Variants in KIAA1217 observed in about 807,000 individuals in gnomAD.
The protein encoded by KIAA1217 is sickle tail protein homolog.
KIAA1217 carries 88 observed loss-of-function variants against 163.9 expected under a neutral mutation model. The observed-to-expected ratio is 0.54, with a 90% CI of 0.45 to 0.64. The LOEUF (loss-of-function observed/expected upper bound fraction) is 0.64, where lower values mean the gene tolerates loss of function less well. KIAA1217 is among the 30% of genes least tolerant of loss of function. KIAA1217 has a pLI of 0.00. For missense variants in KIAA1217, 2,372 were observed against 2,475.0 expected (o/e 0.96, Z 0.88); for synonymous variants, 903 against 923.1 (o/e 0.98, Z 0.39).
At chr10:24,280,064 A>G (rs948012851) in intron 2 of KIAA1217, among the ~76,000 whole-genome samples, 4 of 152,124 alleles carry the variant, frequency 2.6e-5, no homozygotes, top group African/African-American at 9.7e-5. Context: ...GCCCATGAGG[A>G]TCGGTTTGGT....
At chr10:24,397,953 G>A (rs189863201) in intron 3 of KIAA1217, among the ~76,000 whole-genome samples, 253 of 152,194 alleles carry the variant, frequency 1.7e-3, no homozygotes, top group Non-Finnish European at 2.8e-3. Flanking sequence ...TGTGACATTG[G>A]GCAAGTTAAT....
chr10:24,054,145 T>A (rs1849716232), intron 2 of KIAA1217, among the ~76,000 whole-genome samples: 1 of 152,110 alleles, frequency 6.6e-6, no homozygotes, highest in South Asian at 2.1e-4. Context: ...TGACAAAAAT[T>A]AAGGCAAAGT....
chr10:23,805,475 T>G (rs1836690868), intron 1 of KIAA1217, among the ~76,000 whole-genome samples: 1 of 151,942 alleles, frequency 6.6e-6, no homozygotes, highest in Non-Finnish European at 1.5e-5. Flanking sequence ...AGCTAACTGA[T>G]GAGAAAACAT....
chr10:23,799,382 G>A (rs1026539874), intron 1 of KIAA1217, among the ~76,000 whole-genome samples: 2 of 152,148 alleles, frequency 1.3e-5, no homozygotes, highest in African/African-American at 4.8e-5. Flanking sequence ...GTAAGATAAT[G>A]TTTATGAAAG....
At chr10:24,038,206 G>C (rs568752920) in intron 2 of KIAA1217, among the ~76,000 whole-genome samples, 1 of 152,296 alleles carries the variant, frequency 6.6e-6, no homozygotes, top group South Asian at 2.1e-4. Context: ...ATGATGGCCT[G>C]AGGGTTTGAT....
At chr10:24,133,785 G>A (rs1349946074) in intron 2 of KIAA1217, among the ~76,000 whole-genome samples, 2 of 152,174 alleles carry the variant, frequency 1.3e-5, no homozygotes, top group South Asian at 4.1e-4. Context: ...TTTCAGTGAT[G>A]ATTCAGGTGC....
intron 1 of KIAA1217, among the ~76,000 whole-genome samples, chr10:23,729,664 G>A (rs1838364107): frequency 6.6e-6 from 1 of 152,030 alleles, no homozygotes; most frequent in Non-Finnish European, 1.5e-5. Context: ...AGTTTTAAGA[G>A]TTTTTATATA....
intron 16 of KIAA1217, among the ~76,000 whole-genome samples, chr10:24,536,390 T>TA (rs932889906): frequency 1.3e-5 from 2 of 152,060 alleles, no homozygotes; most frequent in South Asian, 2.1e-4. Flanking sequence ...ATAAAACTCA[T>TA]AAAAAAAGAG....
intron 1 of KIAA1217, among the ~76,000 whole-genome samples, chr10:23,837,957 C>T (rs879256002): frequency 2.6e-5 from 4 of 152,146 alleles, no homozygotes; most frequent in East Asian, 1.9e-4. Flanking sequence ...CTTGCTTAGC[C>T]TGCATGACCC....
intron 1 of KIAA1217, among the ~76,000 whole-genome samples, chr10:23,813,953 G>C (rs564950290): frequency 6.6e-6 from 1 of 152,120 alleles, no homozygotes; most frequent in Non-Finnish European, 1.5e-5. Flanking sequence ...TGCTGAGCCC[G>C]TAGCTGTCAA....
At chr10:23,703,397 G>C (rs562783554) in intron 1 of KIAA1217, among the ~76,000 whole-genome samples, 4 of 152,220 alleles carry the variant, frequency 2.6e-5, no homozygotes, top group African/African-American at 9.6e-5. Flanking sequence ...CAAATTCCCT[G>C]TGGACTAAAA....
chr10:23,699,231 G>A (rs1836254744), intron 1 of KIAA1217, among the ~76,000 whole-genome samples: 2 of 152,208 alleles, frequency 1.3e-5, no homozygotes, highest in Non-Finnish European at 2.9e-5. Flanking sequence ...CTGGTCCTAG[G>A]CAGAGCTGTG....
chr10:24,190,922 G>A (rs572963932), intron 2 of KIAA1217, among the ~76,000 whole-genome samples: 84 of 152,150 alleles, frequency 5.5e-4, no homozygotes, highest in Admixed American at 1.9e-3. Context: ...GGCGGGGCTC[G>A]GTGGCTCACA....
intron 2 of KIAA1217, among the ~76,000 whole-genome samples, chr10:24,074,603 A>G (rs2131637111): frequency 6.6e-6 from 1 of 151,394 alleles, no homozygotes; most frequent in Middle Eastern, 3.4e-3. Context: ...GTCATATGAT[A>G]TTTCCTTGAG....
At chr10:24,029,826 T>C (rs1848119905) in intron 2 of KIAA1217, among the ~76,000 whole-genome samples, 1 of 152,174 alleles carries the variant, frequency 6.6e-6, no homozygotes. Context: ...AGAGAAGTTT[T>C]AAGTTCCCTC....
chr10:24,282,823 CTTTTTTTTTTTTT>C (rs34486953), intron 2 of KIAA1217, among the ~76,000 whole-genome samples: 2 of 46,238 alleles, frequency 4.3e-5, no homozygotes, highest in Non-Finnish European at 7.7e-5. Context: ...GGTGTTGCTT[CTTTTTTTTTTTTT>C]TTTTTTTTTT....
chr10:24,280,548 A>G (rs1278640815), intron 2 of KIAA1217, among the ~76,000 whole-genome samples: 1 of 152,220 alleles, frequency 6.6e-6, no homozygotes, highest in Non-Finnish European at 1.5e-5. Context: ...GTGGTGACTC[A>G]TGCCTGTAAT....
At chr10:24,071,601 C>G (rs1163315138) in intron 2 of KIAA1217, among the ~76,000 whole-genome samples, 1 of 152,168 alleles carries the variant, frequency 6.6e-6, no homozygotes, top group Non-Finnish European at 1.5e-5. Context: ...CACATTTCTG[C>G]TTCAGTGATC....
At chr10:24,372,458 T>C (rs948406643) in intron 2 of KIAA1217, among the ~76,000 whole-genome samples, 2 of 152,124 alleles carry the variant, frequency 1.3e-5, no homozygotes, top group African/African-American at 2.4e-5. Context: ...AAACAAATAC[T>C]GGTTTCCAGC....
Sources: gnomAD v4.1 joint callset for allele counts (sites outside exome capture counted in the v4.1 genomes callset) on GRCh38, gnomAD v4.1.1 for gene constraint, MANE v1.5 for transcripts, NCBI Gene and HGNC (gene_info 2026-07-23, HGNC 2026-07-21) for gene names.